The following SLC36A1 variants were observed in gnomAD, a reference collection of about 807,000 sequenced individuals.
The protein encoded by SLC36A1 is proton-coupled amino acid transporter 1.
In SLC36A1, 30 loss-of-function variants were observed where a neutral mutation model predicts 47.5. That is an observed-to-expected ratio of 0.63 (90% confidence interval 0.47 to 0.86). The LOEUF (loss-of-function observed/expected upper bound fraction) is 0.86, where lower values mean the gene tolerates loss of function less well. Ranked by LOEUF, SLC36A1 falls within the 40% of genes least tolerant of loss-of-function variation. The pLI, the probability that SLC36A1 is intolerant of heterozygous loss-of-function variation, is 0.00. For synonymous variants in SLC36A1, 255 were observed against 249.7 expected, an observed-to-expected ratio of 1.02 and a Z score of -0.20; for missense variants, 517 against 606.0, an observed-to-expected ratio of 0.85 and a Z score of 1.54.
chr5:151,435,303 C>T (rs78171503), upstream of SLC36A1, among the ~76,000 whole-genome samples: 940 of 152,230 alleles, frequency 6.2e-3, 14 homozygotes, highest in African/African-American at 0.022. Flanking sequence ...ATGATCACCT[C>T]AATATGCTGA....
chr5:151,457,609 G>A (rs1171236320), intron 1 of SLC36A1, among the ~76,000 whole-genome samples: 1 of 152,144 alleles, frequency 6.6e-6, no homozygotes, highest in Non-Finnish European at 1.5e-5. Flanking sequence ...GCACCTTTCA[G>A]TTTCCTGGTC....
intron 5 of SLC36A1, among the ~76,000 whole-genome samples, chr5:151,466,256 T>G (rs370918650): frequency 3.3e-5 from 5 of 152,324 alleles, no homozygotes; most frequent in African/African-American, 1.2e-4. Context: ...GTAAAAACTT[T>G]GTTTTGATCA....
the SLC36A1 span, chr5:151,380,376 C>G: frequency 5.5e-6 from 2 of 362,058 alleles, no homozygotes; most frequent in African/African-American, 2.1e-5. Flanking sequence ...GGGCGAGGAC[C>G]AGAGTGAGCA....
the SLC36A1 span, chr5:151,543,138 G>T: frequency 6.2e-7 from 1 of 1,613,956 alleles, no homozygotes; most frequent in African/African-American, 1.3e-5. Flanking sequence ...CTCCATCTTG[G>T]GCTTTGATGA....
chr5:151,345,060 C>T, the SLC36A1 span, among the ~76,000 whole-genome samples: 5 of 152,106 alleles, frequency 3.3e-5, no homozygotes, highest in South Asian at 2.1e-4. Context: ...AAGACAAATG[C>T]GAAGGTTTGC....
intron 1 of SLC36A1, among the ~76,000 whole-genome samples, chr5:151,453,526 A>G (rs1178174626): frequency 6.6e-6 from 1 of 152,286 alleles, no homozygotes; most frequent in East Asian, 1.9e-4. Context: ...GTTACCATCT[A>G]TTGATCTTAA....
At chr5:151,505,269 C>A in the SLC36A1 span, 1 of 475,554 alleles carries the variant, frequency 2.1e-6, no homozygotes, top group South Asian at 2.7e-5. Flanking sequence ...TCAGGGAGCC[C>A]TCCTGTCTCT....
chr5:151,395,412 C>G, the SLC36A1 span, among the ~76,000 whole-genome samples: 2 of 152,218 alleles, frequency 1.3e-5, no homozygotes, highest in African/African-American at 4.8e-5. Context: ...CAGCCACTGT[C>G]CTGCACCTAC....
chr5:151,525,646 GT>G, the SLC36A1 span: 2 of 1,062,180 alleles, frequency 1.9e-6, no homozygotes. Context: ...ACCTAGCCCA[GT>G]GCCTGATGCA....
the SLC36A1 span, chr5:151,504,384 C>T: frequency 1.3e-5 from 2 of 152,690 alleles, no homozygotes; most frequent in Admixed American, 6.5e-5. Flanking sequence ...TTCTGGTCCC[C>T]ACCACTCCTG....
chr5:151,515,235 T>G, the SLC36A1 span, among the ~76,000 whole-genome samples: 1 of 152,114 alleles, frequency 6.6e-6, no homozygotes, highest in African/African-American at 2.4e-5. Context: ...ACTCCCTGGG[T>G]TTTCCTCCAG....
At chr5:151,527,101 T>C in the SLC36A1 span, 1 of 866,424 alleles carries the variant, frequency 1.2e-6, no homozygotes, top group Non-Finnish European at 1.8e-6. Context: ...CAGCAGTCTG[T>C]GTTGCCTTTG....
chr5:151,530,588 T>C, the SLC36A1 span, among the ~76,000 whole-genome samples: 1 of 152,232 alleles, frequency 6.6e-6, no homozygotes, highest in Non-Finnish European at 1.5e-5. Flanking sequence ...AGTATGTAGA[T>C]GTTTTGGGGA....
chr5:151,365,008 A>T, the SLC36A1 span, among the ~76,000 whole-genome samples: 1 of 152,260 alleles, frequency 6.6e-6, no homozygotes, highest in East Asian at 1.9e-4. Flanking sequence ...AGAACAAAGC[A>T]TTATGGACAG....
At chr5:151,495,147 A>T (rs1217489146), downstream of SLC36A1, among the ~76,000 whole-genome samples, 1 of 152,194 alleles carries the variant, frequency 6.6e-6, no homozygotes, top group Non-Finnish European at 1.5e-5. Flanking sequence ...CCAATACTTA[A>T]TATTGTGGTC....
rs137866537 is a variant in SLC36A1, at chr5:151,484,751, A to G, written c.1160-3232A>G. Among the ~76,000 whole-genome samples, 377 of 152,316 alleles carry G rather than the reference A, an allele frequency of 2.5e-3. 2 individuals are homozygous for G. The highest frequency in any genetic ancestry group is 8.5e-3 in the African/African-American group (354 of 41,564). On this transcript the variant is annotated intron_variant, in intron 10 of 10. Coordinates refer to ENST00000243389, the MANE Select transcript of SLC36A1 (RefSeq NM_078483.4). ...TTTACATGAGTGATATCGTTTGACC[A>G]TCCTGTTTAGTAGTTGGGGAAATGA... is the stretch of plus-strand genomic sequence containing the variant.
At chr5:151,469,358 C>A in intron 7 of SLC36A1, 1 of 637,128 alleles carries the variant, frequency 1.6e-6, no homozygotes. Context: ...ATCTACCTTG[C>A]TTTTTTCCAC....
At chr5:151,408,856 T>A in the SLC36A1 span, among the ~76,000 whole-genome samples, 5 of 152,220 alleles carry the variant, frequency 3.3e-5, no homozygotes, top group South Asian at 2.1e-4. Context: ...TTATAGCAAC[T>A]GGTTTCCAGG....
At chr5:151,528,344 T>TGA in the SLC36A1 span, among the ~76,000 whole-genome samples, 9 of 152,304 alleles carry the variant, frequency 5.9e-5, no homozygotes, top group South Asian at 2.1e-4. Context: ...CATTCACTCT[T>TGA]GCTAACAGCA....
Sources: gnomAD v4.1 joint callset for allele counts (sites outside exome capture counted in the v4.1 genomes callset) on GRCh38, gnomAD v4.1.1 for gene constraint, MANE v1.5 for transcripts, NCBI Gene and HGNC (gene_info 2026-07-23, HGNC 2026-07-21) for gene names.